The following SGK2 variants were observed in gnomAD, a reference collection of about 807,000 sequenced individuals.
SGK2 encodes serine/threonine-protein kinase Sgk2.
In SGK2, 36 loss-of-function variants were observed where a neutral mutation model predicts 47.5. That is an observed-to-expected ratio of 0.76 (90% CI 0.58 to 1.00). The LOEUF (loss-of-function observed/expected upper bound fraction) is 1.00, where lower values mean the gene tolerates loss of function less well. SGK2 is among the 50% of genes least tolerant of loss of function. The pLI, the probability that SGK2 is intolerant of heterozygous loss-of-function variation, is 0.00. For missense variants in SGK2, 404 were observed against 467.4 expected, an observed-to-expected ratio of 0.86 and a Z score of 1.25; for synonymous variants, 157 against 181.9, an observed-to-expected ratio of 0.86 and a Z score of 1.10.
intron 11 of SGK2, among the ~76,000 whole-genome samples, chr20:43,577,129 A>T (rs1980508426): frequency 6.6e-6 from 1 of 152,152 alleles, no homozygotes; most frequent in African/African-American, 2.4e-5. Flanking sequence ...GGTGACAATT[A>T]AGCTGAGGCT....
chr20:43,566,523 A>G lies in SGK2; in HGVS notation c.28A>G (p.Ser10Gly). 1 of 1,612,548 alleles carries G rather than the reference A, an allele frequency of 6.2e-7. No individual in the cohort carries two copies. Among genetic ancestry groups the G allele is most frequent in the Non-Finnish European group, 8.5e-7 (1 of 1,179,004 alleles). ...GAACTCTAGCCCAGCTGGGACCCCA[A>G]GTCCACAGGTGAGTGGTTCTTGGTC... MNSSPAGTPSPQPSRANGNI... is the reference protein window; with the variant it reads MNSSPAGTPGPQPSRANGNI... The change falls in exon 2 of 13, where the codon AGT (serine) becomes GGT (glycine). Residue 10 changes from serine to glycine, a missense_variant. Ser to Gly is a moderately conservative substitution (Grantham distance 56). Coordinates refer to ENST00000373100, the MANE Select transcript of SGK2 (RefSeq NM_170693.3).
At chr20:43,561,775 C>G (rs1414835252) in intron 1 of SGK2, among the ~76,000 whole-genome samples, 1 of 152,104 alleles carries the variant, frequency 6.6e-6, no homozygotes, top group Non-Finnish European at 1.5e-5. Flanking sequence ...CATTTTAAGA[C>G]TCACCGTGGC....
intron 11 of SGK2, among the ~76,000 whole-genome samples, chr20:43,579,612 G>A (rs1483668959): frequency 6.6e-6 from 1 of 152,166 alleles, no homozygotes; most frequent in Non-Finnish European, 1.5e-5. Flanking sequence ...ATGTACTGAA[G>A]CAGAGTGAGG....
At chr20:43,567,783 C>T in intron 4 of SGK2, 61 bp downstream of exon 4, 2 of 1,579,326 alleles carry the variant, frequency 1.3e-6, no homozygotes. Context: ...CTTCCAGCCC[C>T]TGCTGCCACT....
chr20:43,570,985 C>G (rs1980076081), intron 7 of SGK2, 39 bp from the exon 8 acceptor site: 1 of 1,612,062 alleles, frequency 6.2e-7, no homozygotes, highest in Non-Finnish European at 8.5e-7. Flanking sequence ...CACTAAATGG[C>G]TGAGACACCT....
At chr20:43,576,481 C>A in intron 11 of SGK2, 102 bp downstream of exon 11, 2 of 934,712 alleles carry the variant, frequency 2.1e-6, no homozygotes, top group Non-Finnish European at 3.2e-6. Context: ...CCTTCTAAAA[C>A]CAGGCACTGC....
rs747787831 is a variant in SGK2, at chr20:43,570,612, T to C, written c.361-5T>C. ...AACTCCTGTCACACTCCTCCTCCCC[T>C]CCAGCTCTTCTTCCACCTGCAGCGG... On this transcript the variant is annotated splice_region_variant and splice_polypyrimidine_tract_variant and intron_variant, in intron 6 of 12. Coordinates refer to ENST00000373100, the MANE Select transcript of SGK2 (RefSeq NM_170693.3). The C allele has an allele frequency of 6.9e-6, 11 of 1,597,676 alleles. No individual in the cohort carries two copies. The highest frequency in any genetic ancestry group is 8.6e-6 in the Non-Finnish European group (10 of 1,169,076).
chr20:43,581,157 G>A (rs1475988732), intron 12 of SGK2, among the ~76,000 whole-genome samples: 2 of 152,152 alleles, frequency 1.3e-5, no homozygotes, highest in Non-Finnish European at 2.9e-5. Context: ...TTACAGGCGT[G>A]AGCCACCGTG....
intron 5 of SGK2, 85 bp downstream of exon 5, chr20:43,568,084 G>A: frequency 9.1e-7 from 1 of 1,099,686 alleles, no homozygotes; most frequent in Non-Finnish European, 1.4e-6. Flanking sequence ...TCCCACCTCT[G>A]ACAGGTCCAT....
intron 12 of SGK2, chr20:43,583,552 AT>A (rs1275772811): frequency 1.0e-6 from 1 of 985,280 alleles, no homozygotes; most frequent in Non-Finnish European, 1.2e-6. Flanking sequence ...ACTAAAGCAG[AT>A]TTGCAAGCCC....
Position 43,576,870 on chromosome 20 carries a change from A to T in SGK2, c.849+491A>T, listed in dbSNP as rs535940586. ...GGCAGGAGAACCACTTGAACCTGGG[A>T]GGCGGAGGTTGCAGTGATCTGAGAT... On this transcript the variant is annotated intron_variant, in intron 11 of 12. Coordinates refer to ENST00000373100, the MANE Select transcript of SGK2 (RefSeq NM_170693.3). Among the ~76,000 whole-genome samples, 371 of 152,354 alleles carry T rather than the reference A, an allele frequency of 2.4e-3. 5 individuals carry two copies. The highest frequency in any genetic ancestry group is 1.6e-3 in the Non-Finnish European group (111 of 68,036).
At position 43,572,577 on chromosome 20, in the gene SGK2, T is replaced by G. The variant is rs1489716597; in HGVS notation, c.597+440T>G. ...CTATAGTCCCAGCTACTCGGGAGGC[T>G]GAGGCAGGAGAATCGCTTGAATACA... On this transcript the variant is annotated intron_variant, in intron 9 of 12. Transcript: ENST00000373100. This position sits in a 1 kb window ranked among gnomAD's most constrained non-coding sequence, Gnocchi z 4.2. 6.6e-6 allele frequency among the ~76,000 whole-genome samples: 1 copy of G among 152,072 alleles called. No individual in the cohort carries two copies. Among genetic ancestry groups the G allele is most frequent in the Non-Finnish European group, 1.5e-5 (1 of 68,018 alleles).
intron 1 of SGK2, among the ~76,000 whole-genome samples, chr20:43,559,797 A>G (rs530117436): frequency 6.6e-6 from 1 of 152,190 alleles, no homozygotes; most frequent in South Asian, 2.1e-4. Flanking sequence ...AGGAGAGAGA[A>G]CTGTGTGACA....
Position 43,584,629 on chromosome 20 carries a change from T to C in SGK2, c.940-223T>C, listed in dbSNP as rs139839268. 3.3e-3 allele frequency among the ~76,000 whole-genome samples: 501 copies of C among 152,318 alleles called. 4 individuals carry two copies. Among genetic ancestry groups the C allele is most frequent in the African/African-American group, 0.011 (463 of 41,570 alleles). Reference sequence around the variant, plus strand: ...CCTGGTAGGCATTCAGTAAGTGTTATGTTGATTAACTGACTTGCCTGACGA... The same window carrying C: ...CCTGGTAGGCATTCAGTAAGTGTTACGTTGATTAACTGACTTGCCTGACGA... On this transcript the variant is annotated intron_variant, in intron 12 of 12. Coordinates refer to ENST00000373100, the MANE Select transcript of SGK2 (RefSeq NM_170693.3).
intron 11 of SGK2, among the ~76,000 whole-genome samples, chr20:43,579,110 C>T (rs546829989): frequency 4.0e-5 from 6 of 151,622 alleles, no homozygotes; most frequent in African/African-American, 7.3e-5. Flanking sequence ...CTCTGCCTCC[C>T]GGGTTCAAGT....
chr20:43,568,098 C>G (rs6017119), intron 5 of SGK2, 99 bp downstream of exon 5: 304,974 of 901,260 alleles, frequency 0.34, 56,048 homozygotes, highest in African/African-American at 0.63. Flanking sequence ...GGTCCATGGG[C>G]CTGGGTGCAG....
chr20:43,561,714 G>T (rs1175625090), intron 1 of SGK2, among the ~76,000 whole-genome samples: 2 of 126,036 alleles, frequency 1.6e-5, no homozygotes, highest in African/African-American at 6.5e-5. Flanking sequence ...TTCTAGGTGT[G>T]TTGAGAAACC....
rs779959970 is a variant in SGK2 at position 43,570,720 on chromosome 20, T to C, written c.464T>C (p.Ile155Thr). The C allele has an allele frequency of 1.2e-6, 2 of 1,610,426 alleles. No individual in the cohort carries two copies. The highest frequency in any genetic ancestry group is 4.5e-5 in the East Asian group (2 of 44,846). Residue 155 changes from isoleucine (I) to threonine (T), a missense_variant, in exon 7 of 13, where the codon ATC (isoleucine) becomes ACC (threonine). Ile to Thr is a moderately conservative substitution (Grantham distance 89). Coordinates refer to ENST00000373100, the MANE Select transcript of SGK2 (RefSeq NM_170693.3). ...SAIGYLHSLNIIYRDLKPENI... is the reference protein window; with the variant it reads ...SAIGYLHSLNTIYRDLKPENI... ...ATTGGCTACCTGCACTCCCTCAACA[T>C]CATTTACAGGTGAGGCCTGCCTGTG...
At chr20:43,559,641 C>A (rs1172475720) in intron 1 of SGK2, among the ~76,000 whole-genome samples, 1 of 152,086 alleles carries the variant, frequency 6.6e-6, no homozygotes, top group East Asian at 1.9e-4. Context: ...ACTGGGCAGG[C>A]GTGTAAATGA....
Sources: allele counts gnomAD v4.1 joint callset (sites outside exome capture counted in the v4.1 genomes callset), GRCh38; gene constraint gnomAD v4.1.1; non-coding constraint Gnocchi (gnomAD v3.1); transcripts MANE v1.5; gene names NCBI Gene and HGNC (gene_info 2026-07-23, HGNC 2026-07-21).